Variants in MEGF8 observed in about 807,000 individuals in gnomAD.
The protein encoded by MEGF8 is multiple epidermal growth factor-like domains protein 8.
A neutral mutation model predicts 302.9 loss-of-function variants in MEGF8; 156 were observed. That is an observed-to-expected ratio of 0.52 (90% CI 0.45 to 0.59). MEGF8 has a LOEUF of 0.59. Among genes scored for constraint, MEGF8 ranks in the 20% least tolerant of loss-of-function variants. MEGF8 has a pLI of 0.00. For synonymous variants in MEGF8, 1,621 were observed against 1,660.5 expected (o/e 0.98, Z 0.58); for missense variants, 3,345 against 3,964.5 (o/e 0.84, Z 4.20).
Position 42,349,517 on chromosome 19 carries a change from G to T in MEGF8, c.2317G>T (p.Val773Leu). Residue 773 changes from valine (V) to leucine (L), a missense_variant, in exon 14 of 42, where the codon GTG becomes TTG. Val to Leu is a conservative substitution (Grantham distance 32). Transcript: ENST00000251268. ...TENMEEVGRW[V>L]AHQEKETRRL... ...ACCCCAGGAGGAGGTGGGGCGCTGG[G>T]TGGCTCATCAGGAGAAGGAGACGCG... is the stretch of plus-strand genomic sequence containing the variant. 1 of 1,611,998 alleles carries T rather than the reference G, an allele frequency of 6.2e-7. No homozygotes were observed. Among genetic ancestry groups the T allele is most frequent in the Non-Finnish European group, 8.5e-7 (1 of 1,179,702 alleles).
rs773515719 is a variant in MEGF8 at position 42,362,128 on chromosome 19, G to C, written c.5759G>C (p.Arg1920Pro). The change falls in exon 33 of 42, where the codon CGC becomes CCC. Residue 1920 changes from arginine (R) to proline (P), a missense_variant. Coordinates refer to ENST00000251268, the MANE Select transcript of MEGF8 (RefSeq NM_001271938.2). The stretch of plus-strand genomic sequence containing the variant: ...GGCTCCCCCTGCTCCCCAATGCCTC[G>C]CTCCCCGGAGGAATGTCGACGTCTC... ...CGGSPCSPMP[R>P]SPEECRRLRT... 1.2e-6 allele frequency: 2 copies of C among 1,612,158 alleles called. No individual in the cohort carries two copies. Among genetic ancestry groups the C allele is most frequent in the African/African-American group, 1.3e-5 (1 of 74,864 alleles).
chr19:42,345,104 C>T (rs753250478), intron 12 of MEGF8, among the ~76,000 whole-genome samples: 33 of 151,874 alleles, frequency 2.2e-4, no homozygotes, highest in Non-Finnish European at 4.4e-4. Context: ...CCTGAGTAGC[C>T]GAGATTACAG....
In MEGF8 at chr19:42,353,371, C is replaced by T. The variant is rs578167703; in HGVS notation, c.3551-94C>T. On this transcript the variant is annotated intron_variant, in intron 20 of 41. Coordinates refer to ENST00000251268, the MANE Select transcript of MEGF8 (RefSeq NM_001271938.2). This position sits in a 1 kb window ranked among gnomAD's most constrained non-coding sequence, Gnocchi z 6.1. ...GGGCCTTGGTTTCTCACCTTTGAAG[C>T]GGCTGGGTGGGGTCAGGGTTTAGCT... 3.9e-4 allele frequency: 546 copies of T among 1,395,292 alleles called. 7 individuals carry two copies. In the South Asian group the frequency reaches 6.7e-3, roughly 17 times the overall value. 86.4% of individuals were successfully genotyped at this position (1,395,292 alleles called of 1,614,324 possible).
chr19:42,345,508 C>G (rs1006168435), intron 12 of MEGF8, among the ~76,000 whole-genome samples: 1 of 152,210 alleles, frequency 6.6e-6, no homozygotes, highest in African/African-American at 2.4e-5. Context: ...TTTGCCAGTT[C>G]TGGACATTTC....
rs1342492113 is a variant in MEGF8, at chr19:42,336,303, C to T, written c.1201C>T (p.Arg401Cys). 8 of 1,607,132 alleles carry T rather than the reference C, an allele frequency of 5.0e-6. No homozygotes were observed. The highest frequency in any genetic ancestry group is 1.1e-5 in the South Asian group (1 of 90,922). ...GHSMVFHAPS[R>C]ALLVHGGHRP... is the part of the protein sequence containing the mutation. ...CTCCATGGTGTTCCATGCCCCCTCC[C>T]GTGCCCTGCTGGTCCATGGTGGACA... The change falls in exon 6 of 42, where the codon CGT (arginine) becomes TGT (cysteine). Residue 401 changes from arginine to cysteine, a missense_variant. By Grantham distance (180) the Arg-to-Cys change is radical (BLOSUM62 -3). Coordinates refer to ENST00000251268, the MANE Select transcript of MEGF8 (RefSeq NM_001271938.2). The surrounding 1 kb of genome is among the most constrained non-coding windows in gnomAD (Gnocchi z 4.8).
rs373417416 is a variant in MEGF8, at chr19:42,368,446, C to A, written c.6274-9C>A. The A allele has an allele frequency of 3.1e-5, 49 of 1,595,390 alleles. No homozygotes were observed. Among genetic ancestry groups the A allele is most frequent in the Admixed American group, 1.2e-4 (7 of 57,482 alleles). On this transcript the variant is annotated splice_polypyrimidine_tract_variant and intron_variant, in intron 35 of 41. Coordinates refer to ENST00000251268, the MANE Select transcript of MEGF8 (RefSeq NM_001271938.2). The surrounding 1 kb of genome is among the most constrained non-coding windows in gnomAD (Gnocchi z 4.9). ...TTCCCTGCATCCCCATCCCCTCCCC[C>A]CCATACAGTGTCTGAGCCCTTCCTA...
chr19:42,346,837 T>C (rs994613373), intron 12 of MEGF8, among the ~76,000 whole-genome samples: 9 of 151,646 alleles, frequency 5.9e-5, no homozygotes, highest in Admixed American at 1.3e-4. Flanking sequence ...ACAAAAAAAT[T>C]AGCTGGGTGT....
chr19:42,330,525 G>A (rs1267104474), intron 1 of MEGF8, among the ~76,000 whole-genome samples: 1 of 152,236 alleles, frequency 6.6e-6, no homozygotes, highest in African/African-American at 2.4e-5. Context: ...GCATGGGTGG[G>A]GTCTGTGTCT....
Position 42,356,946 on chromosome 19 carries a change from C to T in MEGF8, c.4795C>T (p.Leu1599Phe), listed in dbSNP as rs1195835686. The T allele has an allele frequency of 6.2e-7, 1 of 1,610,196 alleles. No homozygotes were observed. The highest frequency in any genetic ancestry group is 2.2e-5 in the East Asian group (1 of 44,782). Residue 1599 changes from leucine (L) to phenylalanine (F), a missense_variant, in exon 27 of 42, where the codon CTC becomes TTC. Transcript: ENST00000251268. This position sits in a 1 kb window ranked among gnomAD's most constrained non-coding sequence, Gnocchi z 5.2. ...AGGCGTCACCCGTGATTTCTGGGTC[C>T]TCAACCTCACCACCCTGCAATGGCG... ...AGGVTRDFWVLNLTTLQWRQE... is the reference protein window; with the variant it reads ...AGGVTRDFWVFNLTTLQWRQE...
intron 1 of MEGF8, among the ~76,000 whole-genome samples, chr19:42,327,029 G>T (rs555008100): frequency 8.5e-4 from 130 of 152,232 alleles, no homozygotes; most frequent in African/African-American, 2.9e-3. Context: ...TTGTGACTTT[G>T]AGCAGGTGGT....
At chr19:42,349,071 A>G (rs1301849899) in intron 13 of MEGF8, among the ~76,000 whole-genome samples, 5 of 152,184 alleles carry the variant, frequency 3.3e-5, no homozygotes, top group Non-Finnish European at 7.3e-5. Flanking sequence ...AGGTAGGGGC[A>G]GGTGGATTGC....
intron 8 of MEGF8, among the ~76,000 whole-genome samples, chr19:42,341,161 G>A (rs1411228437): frequency 6.6e-6 from 1 of 152,074 alleles, no homozygotes; most frequent in Non-Finnish European, 1.5e-5. Flanking sequence ...GCCAGGCACT[G>A]TGGCTCATTC....
intron 12 of MEGF8, among the ~76,000 whole-genome samples, chr19:42,347,764 G>A (rs543729674): frequency 6.6e-6 from 1 of 151,820 alleles, no homozygotes; most frequent in African/African-American, 2.4e-5. Context: ...AGTGCCCGCC[G>A]TGCCCAGCCT....
At chr19:42,332,186 C>T (rs1384427194) in intron 1 of MEGF8, among the ~76,000 whole-genome samples, 2 of 152,132 alleles carry the variant, frequency 1.3e-5, no homozygotes, top group East Asian at 1.9e-4. Flanking sequence ...TGCATTATTG[C>T]TCCTCATGAG....
chr19:42,365,363 G>T (rs947448602), intron 35 of MEGF8, among the ~76,000 whole-genome samples: 1 of 152,012 alleles, frequency 6.6e-6, no homozygotes, highest in Admixed American at 6.6e-5. Flanking sequence ...TGGGGCCAGT[G>T]AATTGGAGAG....
At position 42,363,187 on chromosome 19, in the gene MEGF8, C is replaced by T; in HGVS notation, c.6198C>T (p.Asn2066=). The change falls in exon 35 of 42, where the codon AAC becomes AAT. Residue 2066 remains asparagine (N), a synonymous_variant. Coordinates refer to ENST00000251268, the MANE Select transcript of MEGF8 (RefSeq NM_001271938.2). ...PCPTPCHLLP[N]CTSCLDSKGA... ...CCACCCCTTGTCACCTCCTACCCAACTGTACCTCCTGCCTGGACTCTAAGG... is the reference window on the plus strand; with the variant it reads ...CCACCCCTTGTCACCTCCTACCCAATTGTACCTCCTGCCTGGACTCTAAGG... 1 of 1,612,212 alleles carries T rather than the reference C, an allele frequency of 6.2e-7. No individual in the cohort carries two copies.
At position 42,333,679 on chromosome 19, in the gene MEGF8, G is replaced by A. The variant is rs372955721; in HGVS notation, c.262G>A (p.Val88Met). The A allele has an allele frequency of 4.5e-5, 72 of 1,613,864 alleles. No homozygotes were observed. In the African/African-American group the frequency reaches 6.0e-4, roughly 13 times the overall value. ...DTECTYDYLF[V>M]YDGDSPRGPL... ...AGAGTGCACGTATGACTACCTGTTC[G>A]TGTATGACGGTGACTCCCCGCGAGG... is the stretch of plus-strand genomic sequence containing the variant. Residue 88 changes from valine to methionine, a missense_variant, in exon 2 of 42, where the codon GTG becomes ATG. By Grantham distance (21) the Val-to-Met change is conservative. Coordinates refer to ENST00000251268, the MANE Select transcript of MEGF8 (RefSeq NM_001271938.2).
At position 42,351,445 on chromosome 19, in the gene MEGF8, G is replaced by A. The variant is rs1202934298; in HGVS notation, c.2872G>A (p.Asp958Asn). 2.5e-6 allele frequency: 4 copies of A among 1,597,410 alleles called. No homozygotes were observed. The South Asian group carries it at 3.4e-5, about 14-fold the overall frequency. The change falls in exon 17 of 42, where the codon GAC (aspartate) becomes AAC (asparagine). Residue 958 changes from aspartate (D) to asparagine (N), a missense_variant. Physicochemically the swap from Asp to Asn is conservative, Grantham distance 23. Transcript: ENST00000251268. This position sits in a 1 kb window ranked among gnomAD's most constrained non-coding sequence, Gnocchi z 5.6. ...PLCSQRLTCEDCLANSSQCAW... is the reference protein window; with the variant it reads ...PLCSQRLTCENCLANSSQCAW... ...CCACCCCAGGCGACTGACCTGTGAGGACTGCCTGGCCAACTCTAGCCAGTG... is the reference window on the plus strand; with the variant it reads ...CCACCCCAGGCGACTGACCTGTGAGAACTGCCTGGCCAACTCTAGCCAGTG...
rs764350769 is a variant in MEGF8, at chr19:42,348,321, C to T, written c.2147C>T (p.Thr716Ile). 25 of 1,537,440 alleles carry T rather than the reference C, an allele frequency of 1.6e-5. No homozygotes were observed. Among genetic ancestry groups the T allele is most frequent in the Non-Finnish European group, 2.1e-5 (24 of 1,146,978 alleles). The change falls in exon 13 of 42, where the codon ACA (threonine) becomes ATA (isoleucine). Residue 716 changes from threonine to isoleucine, a missense_variant. Thr to Ile is a moderately conservative substitution (Grantham distance 89). Transcript: ENST00000251268. ...ATCACCCTAACACCCAGCGCAGAGACAGATGTGTCCCTGGTCTACCGTGGC... is the reference window on the plus strand; with the variant it reads ...ATCACCCTAACACCCAGCGCAGAGATAGATGTGTCCCTGGTCTACCGTGGC... ...TTITLTPSAE[T>I]DVSLVYRGFI...
Sources: gnomAD v4.1 joint callset for allele counts (sites outside exome capture counted in the v4.1 genomes callset) on GRCh38, gnomAD v4.1.1 for gene constraint, Gnocchi (gnomAD v3.1) non-coding constraint, MANE v1.5 for transcripts, NCBI Gene and HGNC (gene_info 2026-07-23, HGNC 2026-07-21) for gene names.